The following SFXN1 variants were observed in gnomAD, a reference collection of about 807,000 sequenced individuals.
The protein encoded by SFXN1 is sideroflexin-1.
In SFXN1, 32 loss-of-function variants were observed where a neutral mutation model predicts 39.5. That is an observed-to-expected ratio of 0.81 (90% CI 0.61 to 1.09). The LOEUF (loss-of-function observed/expected upper bound fraction) is 1.09. Among genes scored for constraint, SFXN1 ranks in the 50% least tolerant of loss-of-function variants. The pLI is 0.00. For synonymous variants in SFXN1, 136 were observed against 146.5 expected, an observed-to-expected ratio of 0.93 and a Z score of 0.52; for missense variants, 402 against 407.1, an observed-to-expected ratio of 0.99 and a Z score of 0.11.
At chr5:175,495,738 A>G (rs1439867792) in intron 2 of SFXN1, among the ~76,000 whole-genome samples, 1 of 151,744 alleles carries the variant, frequency 6.6e-6, no homozygotes, top group East Asian at 1.9e-4. Context: ...CAAAAAAAAA[A>G]AAGGGTTAAA....
In SFXN1 at chr5:175,513,296, T is replaced by TA. The variant is rs55761424; in HGVS notation, c.597-139dup. The stretch of plus-strand genomic sequence containing the variant: ...CAGCCTGGGCAACAGAGTGAGACTG[T>TA]AAAAAAAAAAAAAAAAAAAAAAAAA... On this transcript the variant is annotated intron_variant, in intron 6 of 10. Coordinates refer to ENST00000321442, the MANE Select transcript of SFXN1 (RefSeq NM_022754.7). Among the ~76,000 whole-genome samples the TA allele has an allele frequency of 3.8e-4, 25 of 65,278 alleles. 1 individual carries two copies. The highest frequency in any genetic ancestry group is 1.7e-3 in the South Asian group (3 of 1,726). The allele number at this position is 65,278 out of a possible 152,430, so 42.8% of individuals were successfully genotyped here.
intron 10 of SFXN1, among the ~76,000 whole-genome samples, chr5:175,526,139 T>G (rs1761051585): frequency 6.6e-6 from 1 of 151,634 alleles, no homozygotes; most frequent in Non-Finnish European, 1.5e-5. Context: ...TTTTTTTTTT[T>G]TGTACATTTT....
rs1398800375 is a variant in SFXN1, at chr5:175,528,654, T to A, written c.*1920T>A. The A allele has an allele frequency of 6.6e-6, 1 of 152,176 alleles. No homozygotes were observed. Among genetic ancestry groups the A allele is most frequent in the Non-Finnish European group, 1.5e-5 (1 of 68,030 alleles). 9.4% of individuals were successfully genotyped at this position (152,176 alleles called of 1,614,324 possible). On this transcript the variant is annotated 3_prime_UTR_variant, in exon 11 of 11. Transcript: ENST00000321442. ...TCTTTTCTCTGAAAGGATTAATAGA[T>A]CTGAAGCTTTGGGCCACTCAGAGCC... is the stretch of plus-strand genomic sequence containing the variant.
Position 175,493,258 on chromosome 5 carries a change from T to TA in SFXN1, c.164+1004dup, listed in dbSNP as rs761919267. 1.3e-3 allele frequency among the ~76,000 whole-genome samples: 186 copies of TA among 140,846 alleles called. 1 individual carries two copies. The highest frequency in any genetic ancestry group is 3.8e-3 in the Middle Eastern group (1 of 262). 92.4% of individuals were successfully genotyped at this position (140,846 alleles called of 152,430 possible). A position where few individuals can be genotyped will look rare whatever the true frequency, so the allele number is the denominator to read the frequency against. ...CTGGGCGACAGAGCGAAACTCCATC[T>TA]AAAAAAAAAAAAAGATGTAAAAACC... is the stretch of plus-strand genomic sequence containing the variant. On this transcript the variant is annotated intron_variant, in intron 2 of 10. Coordinates refer to ENST00000321442, the MANE Select transcript of SFXN1 (RefSeq NM_022754.7).
intron 1 of SFXN1, among the ~76,000 whole-genome samples, chr5:175,479,697 T>C (rs1033783769): frequency 3.3e-5 from 5 of 152,222 alleles, no homozygotes. Context: ...GAGTATTTGT[T>C]GACTGCCTGA....
At chr5:175,487,972 G>GC (rs947082035) in intron 1 of SFXN1, among the ~76,000 whole-genome samples, 1 of 152,122 alleles carries the variant, frequency 6.6e-6, no homozygotes, top group African/African-American at 2.4e-5. Context: ...CACCTGCGCT[G>GC]CCCCCCAGCT....
chr5:175,503,394 A>C (rs1760156673), intron 2 of SFXN1, among the ~76,000 whole-genome samples: 1 of 152,242 alleles, frequency 6.6e-6, no homozygotes, highest in Non-Finnish European at 1.5e-5. Flanking sequence ...AAAGTAAAAC[A>C]CCAACACATA....
chr5:175,499,336 T>C (rs1328714120), intron 2 of SFXN1, among the ~76,000 whole-genome samples: 1 of 151,562 alleles, frequency 6.6e-6, no homozygotes, highest in East Asian at 1.9e-4. Flanking sequence ...ATTCATTTCA[T>C]GAAGCTACAA....
rs928506775 is a variant in SFXN1, at chr5:175,492,112, A to G, written c.9A>G (p.Gly3=). 1 of 1,613,176 alleles carries G rather than the reference A, an allele frequency of 6.2e-7. No individual in the cohort carries two copies. Among genetic ancestry groups the G allele is most frequent in the Non-Finnish European group, 8.5e-7 (1 of 1,179,742 alleles). Residue 3 remains glycine, a synonymous_variant, in exon 2 of 11, where the codon GGA becomes GGG. Coordinates refer to ENST00000321442, the MANE Select transcript of SFXN1 (RefSeq NM_022754.7). ...CTTTGCAGTCCGGGACCATGTCTGGAGAACTACCACCAAACATTAACATCA... is the reference window on the plus strand; with the variant it reads ...CTTTGCAGTCCGGGACCATGTCTGGGGAACTACCACCAAACATTAACATCA... MS[G]ELPPNINIKE...
chr5:175,516,546 T>C, intron 7 of SFXN1, 68 bp from the exon 8 acceptor site: 1 of 1,425,724 alleles, frequency 7.0e-7, no homozygotes. Context: ...TGTCAAATGG[T>C]TGAAAAAAAA....
At position 175,513,537 on chromosome 5, in the gene SFXN1, A is replaced by C. The variant is rs1760607589; in HGVS notation, c.671A>C (p.Gln224Pro). 1.2e-6 allele frequency: 2 copies of C among 1,613,886 alleles called. No individual in the cohort carries two copies. The highest frequency in any genetic ancestry group is 1.3e-5 in the African/African-American group (1 of 74,890). Residue 224 changes from glutamine (Q) to proline (P), a missense_variant, in exon 7 of 11, where the codon CAA (glutamine) becomes CCA (proline). Gln to Pro is a moderately conservative substitution (Grantham distance 76). Coordinates refer to ENST00000321442, the MANE Select transcript of SFXN1 (RefSeq NM_022754.7). The part of the protein sequence containing the change: ...RLGESANAAK[Q>P]AITQVVVSRI... ...GGGGAGTCGGCGAACGCTGCGAAAC[A>C]AGCCATCACGCAAGTTGTCGTGTCC...
intron 2 of SFXN1, 120 bp downstream of exon 2, chr5:175,492,387 C>CA: frequency 1.9e-5 from 15 of 774,872 alleles, no homozygotes; most frequent in South Asian, 9.3e-5. Flanking sequence ...ATTCTTTTGA[C>CA]CAAAAAAAAA....
At chr5:175,484,508 G>A (rs781056897) in intron 1 of SFXN1, among the ~76,000 whole-genome samples, 4 of 152,216 alleles carry the variant, frequency 2.6e-5, no homozygotes, top group Non-Finnish European at 4.4e-5. Context: ...CCGGAATGCT[G>A]CGGACCAACC....
At chr5:175,488,494 G>T (rs945098540) in intron 1 of SFXN1, among the ~76,000 whole-genome samples, 1 of 152,002 alleles carries the variant, frequency 6.6e-6, no homozygotes, top group Non-Finnish European at 1.5e-5. Flanking sequence ...TAGAGACAGG[G>T]TTTCTCCATG....
chr5:175,511,567 G>A lies in SFXN1; in HGVS notation c.510+41G>A, dbSNP rs1412607712. ...TTTCCATAATAAAGCTGTTTAATTTGTTATCACCTGCCTGGCTCTAAATCC... is the reference window on the plus strand; with the variant it reads ...TTTCCATAATAAAGCTGTTTAATTTATTATCACCTGCCTGGCTCTAAATCC... On this transcript the variant is annotated intron_variant, in intron 5 of 10. Transcript: ENST00000321442. 2.7e-6 allele frequency: 4 copies of A among 1,492,834 alleles called. No individual in the cohort carries two copies. The African/African-American group carries it at 4.2e-5, about 16-fold the overall frequency. 92.5% of individuals were successfully genotyped at this position (1,492,834 alleles called of 1,614,324 possible).
chr5:175,499,958 G>A (rs1760010210), intron 2 of SFXN1, among the ~76,000 whole-genome samples: 1 of 152,252 alleles, frequency 6.6e-6, no homozygotes, highest in African/African-American at 2.4e-5. Flanking sequence ...GGAGGCCAAG[G>A]CGGGTGGATC....
rs1384918601 is a variant in SFXN1 at position 175,526,318 on chromosome 5, C to T, written c.873-320C>T. 1.8e-4 allele frequency among the ~76,000 whole-genome samples: 28 copies of T among 152,082 alleles called. 1 individual carries two copies. Among genetic ancestry groups the T allele is most frequent in the Admixed American group, 1.8e-3 (28 of 15,260 alleles). ...ACGTTTTTCTTAGGAAGTGGCATTG[C>T]CACAAATGGTTTTTCCAACACCAGC... On this transcript the variant is annotated intron_variant, in intron 10 of 10. Transcript: ENST00000321442.
chr5:175,485,896 A>G (rs1015484108), intron 1 of SFXN1, among the ~76,000 whole-genome samples: 9 of 152,220 alleles, frequency 5.9e-5, no homozygotes, highest in Non-Finnish European at 2.9e-5. Context: ...CGTCTGCGGA[A>G]TGTGCATAGG....
In SFXN1 at chr5:175,526,856, T is replaced by A; in HGVS notation, c.*122T>A. On this transcript the variant is annotated 3_prime_UTR_variant, in exon 11 of 11. Transcript: ENST00000321442. ...ACGGAAACCTTTTAAAGATCCACATTAGCCTTTTAGAATAAAGCTGCTACT... is the reference window on the plus strand; with the variant it reads ...ACGGAAACCTTTTAAAGATCCACATAAGCCTTTTAGAATAAAGCTGCTACT... The A allele has an allele frequency of 1.3e-6, 1 of 788,770 alleles. No individual in the cohort carries two copies. Among genetic ancestry groups the A allele is most frequent in the South Asian group, 1.6e-5 (1 of 61,366 alleles). The allele number at this position is 788,770 out of a possible 1,614,324, so 48.9% of individuals were successfully genotyped here.
Sources: gnomAD v4.1 joint callset for allele counts (sites outside exome capture counted in the v4.1 genomes callset) on GRCh38, gnomAD v4.1.1 for gene constraint, MANE v1.5 for transcripts, NCBI Gene and HGNC (gene_info 2026-07-23, HGNC 2026-07-21) for gene names.